NALF1: variants seen among roughly 807,000 people sequenced by gnomAD.
NALF1 encodes NALCN channel auxiliary factor 1.
In NALF1, 3 loss-of-function variants were observed where a neutral mutation model predicts 48.4. The observed-to-expected ratio is 0.06, with a 90% CI of 0.03 to 0.16. The LOEUF is 0.16. Ranked by LOEUF, NALF1 falls within the 10% of genes least tolerant of loss-of-function variation. The pLI, the probability that NALF1 is intolerant of heterozygous loss-of-function variation, is 1.00. For synonymous variants in NALF1, 262 were observed against 245.7 expected, an observed-to-expected ratio of 1.07 and a Z score of -0.62; for missense variants, 526 against 571.5, an observed-to-expected ratio of 0.92 and a Z score of 0.81.
intron 1 of NALF1, among the ~76,000 whole-genome samples, chr13:107,399,380 C>T (rs1413469455): frequency 6.6e-6 from 1 of 152,050 alleles, no homozygotes; most frequent in Non-Finnish European, 1.5e-5. Context: ...AAATGATCAA[C>T]ATTCATAACG....
intron 1 of NALF1, among the ~76,000 whole-genome samples, chr13:107,705,507 T>C (rs1474520026): frequency 1.5e-4 from 1 of 6,476 alleles, no homozygotes; most frequent in Non-Finnish European, 1.6e-3. Flanking sequence ...CTAAAGATTT[T>C]ATACATATAT....
At chr13:107,800,084 G>C (rs560676645) in intron 1 of NALF1, among the ~76,000 whole-genome samples, 7 of 152,072 alleles carry the variant, frequency 4.6e-5, no homozygotes, top group Non-Finnish European at 8.8e-5. Flanking sequence ...TGAAATCTCC[G>C]CACTTAAGGA....
At chr13:107,764,346 AAT>A (rs546003495) in intron 1 of NALF1, among the ~76,000 whole-genome samples, 264 of 152,284 alleles carry the variant, frequency 1.7e-3, no homozygotes, top group Middle Eastern at 0.017. Flanking sequence ...GATGTTGCAT[AAT>A]GTTATAACAT....
chr13:107,656,598 G>T (rs1880582903), intron 1 of NALF1, among the ~76,000 whole-genome samples: 1 of 152,076 alleles, frequency 6.6e-6, no homozygotes, highest in Non-Finnish European at 1.5e-5. Context: ...AAAACAATAG[G>T]GGGATTCCTT....
chr13:107,465,154 A>G (rs375224158), intron 1 of NALF1, among the ~76,000 whole-genome samples: 1 of 152,056 alleles, frequency 6.6e-6, no homozygotes, highest in Non-Finnish European at 1.5e-5. Context: ...TTCTATTAAC[A>G]TTATGTGAAA....
At position 107,250,307 on chromosome 13, in the gene NALF1, C is replaced by T. The variant is rs530724073; in HGVS notation, c.916-39552G>A. On this transcript the variant is annotated intron_variant, in intron 1 of 2. Coordinates refer to ENST00000375915, the MANE Select transcript of NALF1 (RefSeq NM_001080396.3). ...AATATTTCTACATAATTGAAATTAA[C>T]TAGAAACTATTTTATATTATTAACC... Among the ~76,000 whole-genome samples, 42 of 152,216 alleles carry T rather than the reference C, an allele frequency of 2.8e-4. 1 individual carries two copies. In the South Asian group the frequency reaches 7.3e-3, roughly 26 times the overall value.
intron 1 of NALF1, among the ~76,000 whole-genome samples, chr13:107,560,187 T>G (rs1191884271): frequency 6.6e-6 from 1 of 152,106 alleles, no homozygotes; most frequent in Non-Finnish European, 1.5e-5. Context: ...AATTCACAGG[T>G]TTCCAGGAAT....
intron 1 of NALF1, among the ~76,000 whole-genome samples, chr13:107,682,867 G>A (rs954577169): frequency 3.3e-5 from 5 of 152,076 alleles, no homozygotes; most frequent in Non-Finnish European, 7.4e-5. Flanking sequence ...GCCATAGTAT[G>A]GTCCCAAACT....
chr13:107,265,708 CTT>C (rs1008478478), intron 1 of NALF1, among the ~76,000 whole-genome samples: 4 of 148,210 alleles, frequency 2.7e-5, no homozygotes, highest in African/African-American at 9.9e-5. Flanking sequence ...GCCTGGCCTA[CTT>C]TTTTTTTTGT....
At chr13:107,372,456 C>G (rs1200862469) in intron 1 of NALF1, among the ~76,000 whole-genome samples, 3 of 152,242 alleles carry the variant, frequency 2.0e-5, no homozygotes, top group Non-Finnish European at 4.4e-5. Context: ...TCATAGTCCA[C>G]AACTATTCAC....
intron 1 of NALF1, among the ~76,000 whole-genome samples, chr13:107,727,028 T>A (rs1471821195): frequency 6.7e-6 from 1 of 149,112 alleles, no homozygotes; most frequent in Non-Finnish European, 1.5e-5. Context: ...GTCAGGCTGG[T>A]CTCGAACTCC....
chr13:107,372,483 G>A (rs566991032), intron 1 of NALF1, among the ~76,000 whole-genome samples: 3 of 152,318 alleles, frequency 2.0e-5, no homozygotes, highest in African/African-American at 7.2e-5. Context: ...CCTATTCATT[G>A]AAAGGCACTA....
chr13:107,710,838 C>T (rs569835444), intron 1 of NALF1, among the ~76,000 whole-genome samples: 7,388 of 147,816 alleles, frequency 0.05, 604 homozygotes, highest in African/African-American at 0.17. Context: ...TACAGAGACA[C>T]GTATAAATAT....
At chr13:107,298,791 C>G (rs1881776961) in intron 1 of NALF1, among the ~76,000 whole-genome samples, 1 of 152,054 alleles carries the variant, frequency 6.6e-6, no homozygotes, top group South Asian at 2.1e-4. Flanking sequence ...CAGAAATTTC[C>G]AAAAATAGTC....
chr13:107,777,610 G>A (rs1029490983), intron 1 of NALF1, among the ~76,000 whole-genome samples: 8 of 152,174 alleles, frequency 5.3e-5, no homozygotes, highest in African/African-American at 1.7e-4. Flanking sequence ...TCCAGCTTCT[G>A]CCTAATTGTA....
intron 1 of NALF1, among the ~76,000 whole-genome samples, chr13:107,347,355 G>A (rs1163917944): frequency 6.6e-6 from 1 of 152,184 alleles, no homozygotes; most frequent in Non-Finnish European, 1.5e-5. Context: ...CAGCCCTGCT[G>A]AAACAAGCAC....
At chr13:107,272,134 T>C (rs888457006) in intron 1 of NALF1, among the ~76,000 whole-genome samples, 4 of 151,882 alleles carry the variant, frequency 2.6e-5, no homozygotes, top group Middle Eastern at 3.2e-3. Flanking sequence ...CACACAAATG[T>C]ATACACACTG....
intron 1 of NALF1, among the ~76,000 whole-genome samples, chr13:107,484,664 C>T (rs887055712): frequency 6.6e-6 from 1 of 152,094 alleles, no homozygotes; most frequent in African/African-American, 2.4e-5. Flanking sequence ...ATACAGTACA[C>T]TTGGCATTAT....
intron 1 of NALF1, among the ~76,000 whole-genome samples, chr13:107,401,506 T>A (rs1348156231): frequency 1.3e-5 from 2 of 152,204 alleles, no homozygotes; most frequent in Admixed American, 6.5e-5. Flanking sequence ...ATCTGAAATA[T>A]CTTTATCACA....
Sources: gnomAD v4.1 joint callset for allele counts (sites outside exome capture counted in the v4.1 genomes callset) on GRCh38, gnomAD v4.1.1 for gene constraint, MANE v1.5 for transcripts, NCBI Gene and HGNC (gene_info 2026-07-23, HGNC 2026-07-21) for gene names.